OR14J1: variants seen among roughly 807,000 people sequenced by gnomAD.
The protein encoded by OR14J1 is olfactory receptor 14J1.
For missense variants in OR14J1, 378 were observed against 393.4 expected (o/e 0.96, Z 0.33); for synonymous variants, 140 against 146.7 (o/e 0.95, Z 0.33).
chr6:29,304,610 C>A (rs901478384), intron 1 of OR14J1, among the ~76,000 whole-genome samples: 3 of 152,088 alleles, frequency 2.0e-5, no homozygotes, highest in Non-Finnish European at 4.4e-5. Flanking sequence ...TTAATCAATA[C>A]AATTTGGAAC....
rs1194913397 is a variant in OR14J1 at position 29,310,705 on chromosome 6, G to A, written c.*3050G>A. On this transcript the variant is annotated 3_prime_UTR_variant, in exon 2 of 2. Coordinates refer to ENST00000641895, the MANE Select transcript of OR14J1 (RefSeq NM_030946.2). ...TTGAATCTATAAATTACTTTGGGCA[G>A]TATGGCCATTTTTCATGATATTTAT... 1 of 152,194 alleles carries A rather than the reference G, an allele frequency of 6.6e-6. No homozygotes were observed. Among genetic ancestry groups the A allele is most frequent in the African/African-American group, 2.4e-5 (1 of 41,444 alleles). The allele number at this position is 152,194 out of a possible 1,614,324, so 9.4% of individuals were successfully genotyped here. A position where few individuals can be genotyped will look rare whatever the true frequency, so the allele number is the denominator to read the frequency against.
intron 1 of OR14J1, among the ~76,000 whole-genome samples, chr6:29,302,159 AT>A (rs1271924303): frequency 8.7e-6 from 1 of 115,548 alleles, no homozygotes; most frequent in South Asian, 3.0e-4. Context: ...ATGAGGGGAG[AT>A]TTTTTTTCTT....
At position 29,308,873 on chromosome 6, in the gene OR14J1, T is replaced by G. The variant is rs1341987423; in HGVS notation, c.*1218T>G. On this transcript the variant is annotated 3_prime_UTR_variant, in exon 2 of 2. Transcript: ENST00000641895. ...TTTTTCTTTAATCTGCCACATGAGA[T>G]TTTTTCTTTTTTTTATATACTTTAA... 6.6e-6 allele frequency: 1 copy of G among 151,748 alleles called. No individual in the cohort carries two copies. The highest frequency in any genetic ancestry group is 6.6e-5 in the Admixed American group (1 of 15,230). The allele number at this position is 151,748 out of a possible 1,614,324, so 9.4% of individuals were successfully genotyped here. A position where few individuals can be genotyped will look rare whatever the true frequency, so the allele number is the denominator to read the frequency against.
At chr6:29,303,716 A>ATCTG (rs1193331317) in intron 1 of OR14J1, among the ~76,000 whole-genome samples, 43 of 150,730 alleles carry the variant, frequency 2.9e-4, no homozygotes, top group African/African-American at 9.0e-4. Context: ...CTATCTATCT[A>ATCTG]TCTATCTATC....
In OR14J1 at chr6:29,307,757, ATT is replaced by A; in HGVS notation, c.*103_*104del. The A allele has an allele frequency of 1.6e-6, 1 of 644,256 alleles. No homozygotes were observed. Among genetic ancestry groups the A allele is most frequent in the Admixed American group, 2.6e-5 (1 of 37,892 alleles). The allele number at this position is 644,256 out of a possible 1,614,324, so 39.9% of individuals were successfully genotyped here. ...CTCTTCCAAGCTGTCTATTGTATAT[ATT>A]CCTCTCAAATATAATTCTTTAAAAT... On this transcript the variant is annotated 3_prime_UTR_variant, in exon 2 of 2. Coordinates refer to ENST00000641895, the MANE Select transcript of OR14J1 (RefSeq NM_030946.2).
rs1468433338 is a variant in OR14J1, at chr6:29,301,783, C to G, written c.-33C>G. ...AGATTTGTTTCTACCGAGAGATCCA[C>G]TCTGGTGAGTAAAACTTCTTCAAAT... On this transcript the variant is annotated 5_prime_UTR_variant, in exon 1 of 2. Transcript: ENST00000641895. The G allele has an allele frequency of 6.6e-6, 1 of 152,140 alleles. No individual in the cohort carries two copies. Among genetic ancestry groups the G allele is most frequent in the East Asian group, 1.9e-4 (1 of 5,200 alleles). The allele number at this position is 152,140 out of a possible 1,614,324, so 9.4% of individuals were successfully genotyped here.
Position 29,307,208 on chromosome 6 carries a change from C to A in OR14J1, c.519C>A (p.His173Gln). Residue 173 changes from histidine (H) to glutamine (Q), a missense_variant, in exon 2 of 2, where the codon CAC becomes CAA. His to Gln is a conservative substitution (Grantham distance 24). Coordinates refer to ENST00000641895, the MANE Select transcript of OR14J1 (RefSeq NM_030946.2). ...SIPLCGKRVI[H>Q]QFFCDVPQML... ...CTCTCTGTGGGAAGAGAGTCATTCA[C>A]CAATTCTTCTGTGATGTTCCTCAGA... The A allele has an allele frequency of 6.2e-7, 1 of 1,613,024 alleles. No individual in the cohort carries two copies. The highest frequency in any genetic ancestry group is 8.5e-7 in the Non-Finnish European group (1 of 1,180,006).
In OR14J1 at chr6:29,307,792, G is replaced by A; in HGVS notation, c.*137G>A. On this transcript the variant is annotated 3_prime_UTR_variant, in exon 2 of 2. Coordinates refer to ENST00000641895, the MANE Select transcript of OR14J1 (RefSeq NM_030946.2). ...AATATAATTCTTTAAAATTTAAGAT[G>A]TTGTGCTCTAATAATATTAGCTTTC... The A allele has an allele frequency of 3.6e-6, 2 of 556,806 alleles. No homozygotes were observed. Among genetic ancestry groups the A allele is most frequent in the Non-Finnish European group, 6.2e-6 (2 of 323,778 alleles). 34.5% of individuals were successfully genotyped at this position (556,806 alleles called of 1,614,324 possible). A position where few individuals can be genotyped will look rare whatever the true frequency, so the allele number is the denominator to read the frequency against.
In OR14J1 at chr6:29,307,012, C is replaced by A; in HGVS notation, c.323C>A (p.Ser108Ter). 1 of 1,613,090 alleles carries A rather than the reference C, an allele frequency of 6.2e-7. No individual in the cohort carries two copies. Among genetic ancestry groups the A allele is most frequent in the East Asian group, 2.2e-5 (1 of 44,886 alleles). The change falls in exon 2 of 2, where the codon TCA becomes TAA. Residue 108 changes from serine (S) to a stop codon, truncating the protein, a stop_gained. Transcript: ENST00000641895. LOFTEE classifies it low-confidence loss of function (END_TRUNC). ...QVFFFIALAS[S>*]EVAILTVMSY... Reference sequence around the variant, plus strand: ...TTCTTCTTCATAGCTCTGGCCTCATCAGAAGTGGCCATTCTCACAGTGATG... The same window carrying A: ...TTCTTCTTCATAGCTCTGGCCTCATAAGAAGTGGCCATTCTCACAGTGATG...
chr6:29,306,913 C>G lies in OR14J1; in HGVS notation c.224C>G (p.Thr75Arg). The G allele has an allele frequency of 6.2e-7, 1 of 1,613,112 alleles. No homozygotes were observed. Among genetic ancestry groups the G allele is most frequent in the Non-Finnish European group, 8.5e-7 (1 of 1,180,018 alleles). The part of the protein sequence containing the change: ...SLLDLCFISV[T>R]VPQSIANSLM... ...CTGGACCTCTGCTTCATCTCTGTCA[C>G]AGTCCCCCAGTCCATTGCAAATTCA... The change falls in exon 2 of 2, where the codon ACA becomes AGA. Residue 75 changes from threonine to arginine, a missense_variant. Transcript: ENST00000641895.
intron 1 of OR14J1, among the ~76,000 whole-genome samples, chr6:29,303,066 C>T (rs1295218686): frequency 3.5e-5 from 5 of 144,780 alleles, no homozygotes. Context: ...ATGTGCCAAC[C>T]GTGAAGCAGG....
rs772025278 is a variant in OR14J1 at position 29,306,745 on chromosome 6, G to GT, written c.57dup (p.Lys20Ter). On this transcript the variant is annotated frameshift_variant, in exon 2 of 2. Transcript: ENST00000641895. LOFTEE classifies it low-confidence loss of function (END_TRUNC). The stretch of plus-strand genomic sequence containing the variant: ...CTTCTTATGGGGTTTTCTGATGAGC[G>GT]TAAGCTTCAGATTTTACATGCATTG... The GT allele has an allele frequency of 3.1e-6, 5 of 1,612,888 alleles. No individual in the cohort carries two copies. Among genetic ancestry groups the GT allele is most frequent in the Admixed American group, 3.3e-5 (2 of 60,010 alleles).
Position 29,306,818 on chromosome 6 carries a change from T to G in OR14J1, c.129T>G (p.Ile43Met), listed in dbSNP as rs1443215408. ...TGGCCTTGACAGGCAACCTCCTCAT[T>G]ATCACCATCATTACCGTGGACCGTC... ...YLLALTGNLLIITIITVDRRL... is the reference protein window; with the variant it reads ...YLLALTGNLLMITIITVDRRL... The change falls in exon 2 of 2, where the codon ATT becomes ATG. Residue 43 changes from isoleucine (I) to methionine (M), a missense_variant. Coordinates refer to ENST00000641895, the MANE Select transcript of OR14J1 (RefSeq NM_030946.2). 1 of 1,612,968 alleles carries G rather than the reference T, an allele frequency of 6.2e-7. No homozygotes were observed. Among genetic ancestry groups the G allele is most frequent in the Non-Finnish European group, 8.5e-7 (1 of 1,180,034 alleles).
At chr6:29,302,055 ATTC>A (rs960486575) in intron 1 of OR14J1, among the ~76,000 whole-genome samples, 25 of 152,134 alleles carry the variant, frequency 1.6e-4, no homozygotes, top group African/African-American at 5.5e-4. Context: ...AAGAGTGACA[ATTC>A]TTCTTGGGTC....
chr6:29,307,724 C>A lies in OR14J1; in HGVS notation c.*69C>A. The A allele has an allele frequency of 1.1e-6, 1 of 886,508 alleles. No homozygotes were observed. Among genetic ancestry groups the A allele is most frequent in the Non-Finnish European group, 1.7e-6 (1 of 571,452 alleles). The allele number at this position is 886,508 out of a possible 1,614,324, so 54.9% of individuals were successfully genotyped here. On this transcript the variant is annotated 3_prime_UTR_variant, in exon 2 of 2. Coordinates refer to ENST00000641895, the MANE Select transcript of OR14J1 (RefSeq NM_030946.2). ...GAAGAGAGGTGAATCTTATTTCTAC[C>A]CAGAATGCTCTTCCAAGCTGTCTAT...
chr6:29,306,994 T>G lies in OR14J1; in HGVS notation c.305T>G (p.Phe102Cys), dbSNP rs1473218801. ...CAGTGCATTCTTCAGGTTTTCTTCT[T>G]CATAGCTCTGGCCTCATCAGAAGTG... ...LVQCILQVFF[F>C]IALASSEVAI... Residue 102 changes from phenylalanine (F) to cysteine (C), a missense_variant, in exon 2 of 2, where the codon TTC becomes TGC. Physicochemically the swap from Phe to Cys is radical, Grantham distance 205. Transcript: ENST00000641895. 6.2e-7 allele frequency: 1 copy of G among 1,613,008 alleles called. No individual in the cohort carries two copies. Among genetic ancestry groups the G allele is most frequent in the African/African-American group, 1.3e-5 (1 of 74,940 alleles).
Position 29,307,865 on chromosome 6 carries a change from T to A in OR14J1, c.*210T>A. ...TTATTTTAAGTCATCTTTGGAAAATTTTTCTGAAATGAAGGAGAAAGACAA... is the reference window on the plus strand; with the variant it reads ...TTATTTTAAGTCATCTTTGGAAAATATTTCTGAAATGAAGGAGAAAGACAA... On this transcript the variant is annotated 3_prime_UTR_variant, in exon 2 of 2. Coordinates refer to ENST00000641895, the MANE Select transcript of OR14J1 (RefSeq NM_030946.2). The A allele has an allele frequency of 2.2e-6, 1 of 458,230 alleles. No homozygotes were observed. The highest frequency in any genetic ancestry group is 3.8e-6 in the Non-Finnish European group (1 of 262,076). 28.4% of individuals were successfully genotyped at this position (458,230 alleles called of 1,614,324 possible). A position where few individuals can be genotyped will look rare whatever the true frequency, so the allele number is the denominator to read the frequency against.
At chr6:29,304,253 A>G (rs1215909046) in intron 1 of OR14J1, among the ~76,000 whole-genome samples, 5 of 152,196 alleles carry the variant, frequency 3.3e-5, no homozygotes, top group African/African-American at 1.2e-4. Flanking sequence ...ACATATTTGC[A>G]CATGTACCAC....
At position 29,307,567 on chromosome 6, in the gene OR14J1, A is replaced by C. The variant is rs761109650; in HGVS notation, c.878A>C (p.Asp293Ala). ...CCAGTCATTTATAGCTTACGGAATG[A>C]TTCCATGAAGGCAGCACTGAGGAAG... ...LNPVIYSLRN[D>A]SMKAALRKML... is the part of the protein sequence containing the mutation. The change falls in exon 2 of 2, where the codon GAT (aspartate) becomes GCT (alanine). Residue 293 changes from aspartate to alanine, a missense_variant. Transcript: ENST00000641895. 6.2e-7 allele frequency: 1 copy of C among 1,612,668 alleles called. No homozygotes were observed. The highest frequency in any genetic ancestry group is 2.2e-5 in the East Asian group (1 of 44,876).
Sources: allele counts gnomAD v4.1 joint callset (sites outside exome capture counted in the v4.1 genomes callset), GRCh38; gene constraint gnomAD v4.1.1; transcripts MANE v1.5; gene names NCBI Gene and HGNC (gene_info 2026-07-23, HGNC 2026-07-21).